The following AGBL1 variants were observed in gnomAD, a reference collection of about 807,000 sequenced individuals.
AGBL1 encodes cytosolic carboxypeptidase 4.
In AGBL1, 130 loss-of-function variants were observed where a neutral mutation model predicts 118.9. That is an observed-to-expected ratio of 1.09 (90% CI 0.95 to 1.26). The LOEUF (loss-of-function observed/expected upper bound fraction) is 1.26. Ranked by LOEUF, AGBL1 falls within the 50% of genes most tolerant of loss-of-function variation. The probability of loss-of-function intolerance (pLI) is 0.00; values close to 1 mark genes in which losing one functional copy is unlikely to be tolerated. For missense variants in AGBL1, 1,584 were observed against 1,298.1 expected (o/e 1.22, Z -3.38); for synonymous variants, 555 against 478.9 (o/e 1.16, Z -2.08).
At chr15:86,446,450 G>T (rs948982433) in intron 18 of AGBL1, among the ~76,000 whole-genome samples, 2 of 152,210 alleles carry the variant, frequency 1.3e-5, no homozygotes, top group Non-Finnish European at 2.9e-5. Flanking sequence ...ATGCTCTGAA[G>T]CCAGTGTTTG....
chr15:86,565,170 G>T (rs992420206), intron 21 of AGBL1, among the ~76,000 whole-genome samples: 2 of 152,192 alleles, frequency 1.3e-5, no homozygotes, highest in African/African-American at 4.8e-5. Context: ...TCCATTGCTG[G>T]CGAGGAGCTG....
At chr15:86,106,249 T>C in intron 1 of AGBL1, among the ~76,000 whole-genome samples, 1 of 152,228 alleles carries the variant, frequency 6.6e-6, no homozygotes, top group East Asian at 1.9e-4. Context: ...ATCCCTAGAA[T>C]TCCTTTCAGG....
At chr15:86,725,426 C>T (rs940567974) in intron 22 of AGBL1, among the ~76,000 whole-genome samples, 1 of 152,068 alleles carries the variant, frequency 6.6e-6, no homozygotes, top group Non-Finnish European at 1.5e-5. Flanking sequence ...TAATTAATTC[C>T]TGGGAGGTCA....
chr15:86,464,558 A>G (rs2082375705), intron 18 of AGBL1, among the ~76,000 whole-genome samples: 1 of 152,182 alleles, frequency 6.6e-6, no homozygotes, highest in African/African-American at 2.4e-5. Context: ...CCCATTCAGT[A>G]TGATATTGGC....
chr15:86,751,364 A>G (rs1043637814), intron 22 of AGBL1, among the ~76,000 whole-genome samples: 5 of 152,094 alleles, frequency 3.3e-5, no homozygotes, highest in African/African-American at 9.7e-5. Flanking sequence ...CTTACAGCAT[A>G]TACAAAATTA....
Position 86,396,143 on chromosome 15 carries a change from A to C in AGBL1, c.2375-1223A>C, listed in dbSNP as rs995588540. 4.2e-4 allele frequency among the ~76,000 whole-genome samples: 37 copies of C among 88,330 alleles called. 1 individual carries two copies. Among genetic ancestry groups the C allele is most frequent in the East Asian group, 7.2e-4 (1 of 1,380 alleles). 57.9% of individuals were successfully genotyped at this position (88,330 alleles called of 152,430 possible). On this transcript the variant is annotated intron_variant, in intron 17 of 22. Coordinates refer to ENST00000614907, the MANE Select transcript of AGBL1 (RefSeq NM_001386094.1). ...TATATAAAATCATATATTCATATATATGTGTATATATATATATATAAAATC... is the reference window on the plus strand; with the variant it reads ...TATATAAAATCATATATTCATATATCTGTGTATATATATATATATAAAATC...
rs538015550 is a variant in AGBL1 at position 86,735,194 on chromosome 15, G to A, written c.3158+60758G>A. 2.6e-5 allele frequency among the ~76,000 whole-genome samples: 4 copies of A among 152,128 alleles called. No individual in the cohort carries two copies. In the East Asian group the frequency reaches 7.7e-4, roughly 29 times the overall value. ...CCTCCTGGGTTTCAGAGATTCTCCT[G>A]CCTCAACTTCCCAAGCATCTGGGAT... On this transcript the variant is annotated intron_variant, in intron 22 of 22. Coordinates refer to ENST00000614907, the MANE Select transcript of AGBL1 (RefSeq NM_001386094.1).
intron 18 of AGBL1, among the ~76,000 whole-genome samples, chr15:86,476,662 G>C (rs2082563488): frequency 6.6e-6 from 1 of 152,110 alleles, no homozygotes; most frequent in Admixed American, 6.5e-5. Flanking sequence ...GTCAACATGA[G>C]ACAGATGAAT....
chr15:86,969,505 C>T (rs753865161), intron 23 of AGBL1, among the ~76,000 whole-genome samples: 1 of 151,942 alleles, frequency 6.6e-6, no homozygotes, highest in Non-Finnish European at 1.5e-5. Context: ...GAATATTCAC[C>T]TTTATGTATG....
chr15:86,805,314 G>A (rs182588626), intron 22 of AGBL1, among the ~76,000 whole-genome samples: 2 of 152,146 alleles, frequency 1.3e-5, no homozygotes, highest in Admixed American at 6.5e-5. Flanking sequence ...CAAGAGTGGT[G>A]CAAAAGTCTC....
At chr15:86,787,292 T>C (rs1168545203) in intron 22 of AGBL1, among the ~76,000 whole-genome samples, 2 of 152,206 alleles carry the variant, frequency 1.3e-5, no homozygotes, top group Admixed American at 6.5e-5. Flanking sequence ...ATTTTCAGTA[T>C]GCAATACAGT....
At chr15:86,106,720 C>T (rs1203013014) in intron 1 of AGBL1, among the ~76,000 whole-genome samples, 3 of 152,324 alleles carry the variant, frequency 2.0e-5, no homozygotes, top group Non-Finnish European at 2.9e-5. Flanking sequence ...TGGGCTGAAA[C>T]TTAAAATGGC....
At chr15:86,712,818 G>T (rs1485644592) in intron 22 of AGBL1, among the ~76,000 whole-genome samples, 1 of 152,200 alleles carries the variant, frequency 6.6e-6, no homozygotes, top group Non-Finnish European at 1.5e-5. Flanking sequence ...GATTAGTGAA[G>T]ATAGCAGCAA....
intron 22 of AGBL1, among the ~76,000 whole-genome samples, chr15:86,681,613 C>T (rs1427627327): frequency 6.6e-6 from 1 of 152,148 alleles, no homozygotes; most frequent in Non-Finnish European, 1.5e-5. Context: ...TTCTTTTGGT[C>T]TATTCATTTT....
chr15:86,602,103 CTT>C (rs2142372640), intron 21 of AGBL1, among the ~76,000 whole-genome samples: 2 of 152,058 alleles, frequency 1.3e-5, no homozygotes, highest in African/African-American at 4.8e-5. Flanking sequence ...TCTTCCCTCT[CTT>C]CTTTACTCTC....
chr15:86,404,586 T>C (rs897956810), intron 18 of AGBL1, among the ~76,000 whole-genome samples: 2 of 152,194 alleles, frequency 1.3e-5, no homozygotes, highest in Non-Finnish European at 2.9e-5. Context: ...TGAATTTAAA[T>C]AAACAGAGGA....
chr15:86,866,403 G>C (rs2079630633), intron 22 of AGBL1, among the ~76,000 whole-genome samples: 1 of 152,192 alleles, frequency 6.6e-6, no homozygotes. Flanking sequence ...TATGCAAACT[G>C]TGATCTTGTT....
intron 18 of AGBL1, among the ~76,000 whole-genome samples, chr15:86,470,046 T>A (rs1372047018): frequency 6.6e-6 from 1 of 152,204 alleles, no homozygotes; most frequent in Non-Finnish European, 1.5e-5. Context: ...TGTCAGATGT[T>A]TCCTCTGCTG....
At chr15:86,506,044 C>G (rs1370804400) in intron 18 of AGBL1, among the ~76,000 whole-genome samples, 1 of 152,054 alleles carries the variant, frequency 6.6e-6, no homozygotes, top group Non-Finnish European at 1.5e-5. Context: ...AATGATTAGA[C>G]AGAGTTTCTT....
Sources: gnomAD v4.1 joint callset for allele counts (sites outside exome capture counted in the v4.1 genomes callset) on GRCh38, gnomAD v4.1.1 for gene constraint, MANE v1.5 for transcripts, NCBI Gene and HGNC (gene_info 2026-07-23, HGNC 2026-07-21) for gene names.